CLHC1: variants seen among roughly 807,000 people sequenced by gnomAD.
CLHC1 encodes clathrin heavy chain linker domain containing 1.
In CLHC1, 72 loss-of-function variants were observed where a neutral mutation model predicts 69.5. The ratio of observed to expected loss-of-function variants is 1.04; its 90% CI spans 0.86 to 1.26. The LOEUF is 1.26. Ranked by LOEUF, CLHC1 falls within the 50% of genes most tolerant of loss-of-function variation. The pLI is 0.00. For missense variants in CLHC1, 790 were observed against 679.3 expected (o/e 1.16, Z -1.81); for synonymous variants, 223 against 224.3 (o/e 0.99, Z 0.05).
chr2:55,181,621 C>T lies in CLHC1; in HGVS notation c.1130G>A (p.Gly377Glu). ...TAAATCTAACCGTTTTTCTGATAAT[C>T]CACATTTGATTCCTTCCAGGGTTAG... is the stretch of plus-strand genomic sequence containing the variant. ...AALTLEGIKC[G>E]LSEKRLDLVT... Residue 377 changes from glycine (G) to glutamate (E), a missense_variant, in exon 10 of 13, where the codon GGA becomes GAA. By Grantham distance (98) the Gly-to-Glu change is moderately conservative. Transcript: ENST00000401408. 6.2e-7 allele frequency: 1 copy of T among 1,613,292 alleles called. No individual in the cohort carries two copies. Among genetic ancestry groups the T allele is most frequent in the Non-Finnish European group, 8.5e-7 (1 of 1,179,776 alleles).
chr2:55,208,897 G>C (rs1350464872), intron 7 of CLHC1, among the ~76,000 whole-genome samples, 187 bp from the exon 8 acceptor site: 1 of 126,256 alleles, frequency 7.9e-6, no homozygotes, highest in East Asian at 2.3e-4. Context: ...TTGAGACGGA[G>C]TCTGGCTCTG....
intron 9 of CLHC1, among the ~76,000 whole-genome samples, chr2:55,186,007 T>C (rs1385660816): frequency 6.6e-6 from 1 of 152,204 alleles, no homozygotes; most frequent in African/African-American, 2.4e-5. Context: ...TTCTAAGCTA[T>C]CAAACTTGAG....
intron 5 of CLHC1, among the ~76,000 whole-genome samples, chr2:55,211,384 C>A (rs1672987601): frequency 6.6e-6 from 1 of 151,894 alleles, no homozygotes; most frequent in East Asian, 1.9e-4. Context: ...CGCCTGTAGT[C>A]CCAGCTACTC....
chr2:55,207,613 T>C (rs925839290), intron 8 of CLHC1, among the ~76,000 whole-genome samples: 5 of 152,196 alleles, frequency 3.3e-5, no homozygotes, highest in African/African-American at 1.2e-4. Flanking sequence ...TCATTACAGA[T>C]AAGCGTCATA....
At chr2:55,179,073 C>CA (rs1490431975) in intron 11 of CLHC1, among the ~76,000 whole-genome samples, 5 of 92 alleles carry the variant, frequency 0.054, no homozygotes, top group East Asian at 0.42. Context: ...GGACTACAGA[C>CA]CCATCCCTAA....
At chr2:55,177,831 C>G in intron 11 of CLHC1, 50 bp from the exon 12 acceptor site, 1 of 1,350,284 alleles carries the variant, frequency 7.4e-7, no homozygotes, top group Non-Finnish European at 1.0e-6. Context: ...TATCATAAAT[C>G]AACTAGAAAC....
chr2:55,190,798 G>A (rs1670853393), intron 9 of CLHC1, among the ~76,000 whole-genome samples: 2 of 152,046 alleles, frequency 1.3e-5, no homozygotes, highest in Admixed American at 6.6e-5. Context: ...GGAGGCTGGG[G>A]CAGAAACATA....
At chr2:55,194,574 C>T (rs1171202821) in intron 9 of CLHC1, among the ~76,000 whole-genome samples, 1 of 150,934 alleles carries the variant, frequency 6.6e-6, no homozygotes, top group African/African-American at 2.4e-5. Flanking sequence ...AAAAAAAAGT[C>T]ACCCAGATTT....
At chr2:55,181,989 G>A (rs763518508) in intron 9 of CLHC1, among the ~76,000 whole-genome samples, 1 of 152,012 alleles carries the variant, frequency 6.6e-6, no homozygotes, top group Non-Finnish European at 1.5e-5. Context: ...GCTAAAAATC[G>A]CTGACAACCA....
chr2:55,228,650 G>A (rs940146687), intron 1 of CLHC1, among the ~76,000 whole-genome samples: 1 of 152,208 alleles, frequency 6.6e-6, no homozygotes, highest in Non-Finnish European at 1.5e-5. Flanking sequence ...TCAGCCTACG[G>A]AAGGGGGCAA....
At chr2:55,212,226 G>A (rs904807754) in intron 5 of CLHC1, among the ~76,000 whole-genome samples, 5 of 151,656 alleles carry the variant, frequency 3.3e-5, no homozygotes, top group South Asian at 2.1e-4. Flanking sequence ...GCTGTGGGCC[G>A]AGATCACACC....
intron 9 of CLHC1, among the ~76,000 whole-genome samples, chr2:55,189,112 T>C (rs958557451): frequency 1.3e-5 from 2 of 152,094 alleles, no homozygotes; most frequent in African/African-American, 4.8e-5. Flanking sequence ...CAAGGTAGAC[T>C]CTAGCAAGCA....
chr2:55,196,898 G>T (rs1671478374), intron 9 of CLHC1, among the ~76,000 whole-genome samples: 1 of 152,218 alleles, frequency 6.6e-6, no homozygotes, highest in African/African-American at 2.4e-5. Flanking sequence ...GGCTATTGGG[G>T]TCCCCAATTC....
At chr2:55,226,731 A>G (rs1282383677) in intron 2 of CLHC1, among the ~76,000 whole-genome samples, 1 of 152,230 alleles carries the variant, frequency 6.6e-6, no homozygotes, top group Non-Finnish European at 1.5e-5. Flanking sequence ...TTCTGAATTC[A>G]AGTGATTCTC....
chr2:55,181,956 T>C (rs932187573), intron 9 of CLHC1, among the ~76,000 whole-genome samples: 1 of 152,036 alleles, frequency 6.6e-6, no homozygotes, highest in Non-Finnish European at 1.5e-5. Flanking sequence ...GAGATTGGAA[T>C]GATCTGCTAC....
intron 4 of CLHC1, 101 bp from the exon 5 acceptor site, chr2:55,212,907 A>G (rs976700343): frequency 2.7e-5 from 24 of 875,882 alleles, no homozygotes; most frequent in Non-Finnish European, 5.4e-6. Flanking sequence ...ATTTTGAACC[A>G]TTATGGACTA....
rs559182117 is a variant in CLHC1, at chr2:55,180,418, C to T, written c.1384+92G>A. ...GGTATATATAAAATTGATTTTATAA[C>T]GTAAGTTTAAAGTAGTGCTTGCTAT... On this transcript the variant is annotated intron_variant, in intron 11 of 12. Transcript: ENST00000401408. The T allele has an allele frequency of 2.7e-4, 229 of 862,044 alleles. No homozygotes were observed. The South Asian group carries it at 3.6e-3, about 13-fold the overall frequency. The allele number at this position is 862,044 out of a possible 1,614,324, so 53.4% of individuals were successfully genotyped here. A position where few individuals can be genotyped will look rare whatever the true frequency, so the allele number is the denominator to read the frequency against.
At chr2:55,206,715 T>C (rs1672481504) in intron 8 of CLHC1, 1 of 233,338 alleles carries the variant, frequency 4.3e-6, no homozygotes, top group African/African-American at 2.3e-5. Context: ...TTTTTTTCCC[T>C]GCATATCATC....
chr2:55,180,778 T>C (rs1669862515), intron 10 of CLHC1, 66 bp from the exon 11 acceptor site: 2 of 1,351,630 alleles, frequency 1.5e-6, no homozygotes, highest in African/African-American at 1.4e-5. Context: ...GACTGAAATA[T>C]TTGAAAATTC....
Sources: gnomAD v4.1 joint callset for allele counts (sites outside exome capture counted in the v4.1 genomes callset) on GRCh38, gnomAD v4.1.1 for gene constraint, MANE v1.5 for transcripts, NCBI Gene and HGNC (gene_info 2026-07-23, HGNC 2026-07-21) for gene names.